ZNF157: variants seen among roughly 807,000 people sequenced by gnomAD.
ZNF157 encodes zinc finger protein 22.
ZNF157 carries 8 observed loss-of-function variants against 9.4 expected under a neutral mutation model. The observed-to-expected ratio is 0.85, with a 90% CI of 0.50 to 1.53. The LOEUF is 1.53. Ranked by LOEUF, ZNF157 falls within the 40% of genes most tolerant of loss-of-function variation. ZNF157 has a pLI of 0.00. For synonymous variants in ZNF157, 120 were observed against 130.8 expected (o/e 0.92, Z 0.56); for missense variants, 316 against 385.2 (o/e 0.82, Z 1.50).
At chrX:47,406,242 T>C (rs2055946624) in intron 1 of ZNF157, among the ~76,000 whole-genome samples, 1 of 110,735 alleles carries the variant, frequency 9.0e-6, no homozygotes, top group African/African-American at 3.3e-5. Flanking sequence ...CTTTTTCCTT[T>C]AATAAGCGAA....
intron 1 of ZNF157, among the ~76,000 whole-genome samples, chrX:47,404,574 C>T (rs1210031966): frequency 9.0e-6 from 1 of 110,696 alleles, no homozygotes; most frequent in East Asian, 2.9e-4. Context: ...GAAATGGACT[C>T]GACAGCAGAA....
chrX:47,388,609 A>C (rs1403668155), intron 1 of ZNF157: 1 of 123,608 alleles, frequency 8.1e-6, no homozygotes, highest in African/African-American at 3.2e-5. Flanking sequence ...GAGCCACTGC[A>C]TGCAGCAGTT....
chrX:47,388,893 T>A (rs1485233043), intron 1 of ZNF157: 2 of 112,007 alleles, frequency 1.8e-5, no homozygotes, highest in Non-Finnish European at 3.8e-5. Flanking sequence ...AGTGGTGCGA[T>A]CTCAGCTCAC....
chrX:47,371,465 C>T (rs2147398129), intron 1 of ZNF157, among the ~76,000 whole-genome samples: 1 of 101,576 alleles, frequency 9.8e-6, no homozygotes, highest in East Asian at 3.1e-4. Flanking sequence ...TATAGTGAGA[C>T]CCTGTTCTCC....
At chrX:47,387,286 G>C (rs2055882707) in intron 1 of ZNF157, among the ~76,000 whole-genome samples, 1 of 110,591 alleles carries the variant, frequency 9.0e-6, no homozygotes, top group Non-Finnish European at 1.9e-5. Flanking sequence ...ACCATGCCCG[G>C]CTAGTTTTGT....
intron 3 of ZNF157, 108 bp downstream of exon 3, chrX:47,410,883 G>A: frequency 1.6e-6 from 1 of 634,049 alleles, no homozygotes; most frequent in Non-Finnish European, 2.5e-6. Context: ...TCTCTTTTTA[G>A]AGTTCCTAGC....
intron 1 of ZNF157, among the ~76,000 whole-genome samples, chrX:47,404,260 G>T (rs1352050626): frequency 1.8e-5 from 2 of 109,610 alleles, no homozygotes; most frequent in Non-Finnish European, 3.8e-5. Context: ...CCATCTCTCA[G>T]GTTCAATCGA....
intron 1 of ZNF157, among the ~76,000 whole-genome samples, chrX:47,409,694 A>G (rs1243648864): frequency 6.8e-5 from 7 of 103,423 alleles, no homozygotes; most frequent in South Asian, 4.5e-4. Flanking sequence ...CCCGAGCTGG[A>G]GTGCAGTGGT....
chrX:47,375,662 C>T (rs913203897), intron 1 of ZNF157, among the ~76,000 whole-genome samples: 1 of 107,854 alleles, frequency 9.3e-6, no homozygotes, highest in Non-Finnish European at 1.9e-5. Flanking sequence ...GAACCTCTAT[C>T]AACCACTCAT....
intron 1 of ZNF157, among the ~76,000 whole-genome samples, chrX:47,371,696 T>G (rs1327774580): frequency 9.0e-6 from 1 of 111,124 alleles, no homozygotes; most frequent in Non-Finnish European, 1.9e-5. Context: ...CAACCTCTGC[T>G]TCCCGGGTTC....
chrX:47,411,458 G>A (rs987728848), intron 3 of ZNF157, among the ~76,000 whole-genome samples: 14 of 110,393 alleles, frequency 1.3e-4, no homozygotes, highest in Admixed American at 2.9e-4. Flanking sequence ...CGGTTTAAAC[G>A]ACCTTTCCAG....
At chrX:47,394,184 G>A (rs1326846676) in intron 1 of ZNF157, among the ~76,000 whole-genome samples, 4 of 110,240 alleles carry the variant, frequency 3.6e-5, no homozygotes, top group African/African-American at 1.3e-4. Flanking sequence ...GGATGGTCTC[G>A]ATCTCATGAC....
At chrX:47,382,076 G>A (rs2055865014) in intron 1 of ZNF157, among the ~76,000 whole-genome samples, 1 of 110,055 alleles carries the variant, frequency 9.1e-6, no homozygotes, top group East Asian at 2.8e-4. Context: ...TTGGGTCTTT[G>A]ATCAGCTTTT....
intron 3 of ZNF157, among the ~76,000 whole-genome samples, chrX:47,411,634 C>G (rs993694577): frequency 1.8e-5 from 2 of 110,757 alleles, no homozygotes; most frequent in Non-Finnish European, 3.8e-5. Flanking sequence ...TCCCGAAGTG[C>G]TAGGGTCAGA....
chrX:47,383,577 G>A (rs1195945461), intron 1 of ZNF157, among the ~76,000 whole-genome samples: 1 of 103,519 alleles, frequency 9.7e-6, no homozygotes, highest in Admixed American at 1.1e-4. Context: ...GCATGGTGGT[G>A]CACGCCTGTA....
chrX:47,390,556 T>A (rs143187832), intron 1 of ZNF157: 1 of 111,545 alleles, frequency 9.0e-6, no homozygotes, highest in African/African-American at 3.3e-5. Context: ...AAATACAAAA[T>A]TAGCTGGGTG....
Position 47,409,386 on chromosome X carries a change from G to C in ZNF157, c.73-890G>C, listed in dbSNP as rs1286327081. Among the ~76,000 whole-genome samples the C allele has an allele frequency of 3.6e-5, 4 of 111,758 alleles. 1 individual carries two copies. Among genetic ancestry groups the C allele is most frequent in the Admixed American group, 1.9e-4 (2 of 10,463 alleles). On this transcript the variant is annotated intron_variant, in intron 1 of 3. Coordinates refer to ENST00000377073, the MANE Select transcript of ZNF157 (RefSeq NM_003446.4). Reference sequence around the variant, plus strand: ...GGGTCTCTCTGTCGCCCAGGCTGGAGTGCAGTGACGCAATCTCAGCTCACT... The same window carrying C: ...GGGTCTCTCTGTCGCCCAGGCTGGACTGCAGTGACGCAATCTCAGCTCACT...
intron 1 of ZNF157, among the ~76,000 whole-genome samples, chrX:47,400,709 G>A (rs761784310): frequency 7.3e-4 from 82 of 111,632 alleles, no homozygotes; most frequent in Admixed American, 3.2e-3. Context: ...AAGGTGGAGA[G>A]CAGTGGTGCT....
chrX:47,378,082 T>G (rs997796071), intron 1 of ZNF157, among the ~76,000 whole-genome samples: 1 of 111,139 alleles, frequency 9.0e-6, no homozygotes, highest in Non-Finnish European at 1.9e-5. Flanking sequence ...ACTGGAATTT[T>G]TATTATTACT....
Sources: gnomAD v4.1 joint callset for allele counts (sites outside exome capture counted in the v4.1 genomes callset) on GRCh38, gnomAD v4.1.1 for gene constraint, MANE v1.5 for transcripts, NCBI Gene and HGNC (gene_info 2026-07-23, HGNC 2026-07-21) for gene names.